PTPRD: variants seen among roughly 807,000 people sequenced by gnomAD.
PTPRD encodes the protein protein tyrosine phosphatase receptor type D, also known as receptor-type tyrosine-protein phosphatase delta.
In PTPRD, 34 loss-of-function variants were observed where a neutral mutation model predicts 214.5. The observed-to-expected ratio is 0.16, with a 90% CI of 0.12 to 0.21. The LOEUF (loss-of-function observed/expected upper bound fraction) is 0.21. Among genes scored for constraint, PTPRD ranks in the 10% least tolerant of loss-of-function variants. PTPRD has a pLI of 1.00. For missense variants in PTPRD, 2,545 were observed against 2,398.7 expected, an observed-to-expected ratio of 1.06 and a Z score of -1.27; for synonymous variants, 1,128 against 845.7, an observed-to-expected ratio of 1.33 and a Z score of -5.79.
At chr9:9,437,889 T>TA (rs1368322271) in intron 8 of PTPRD, among the ~76,000 whole-genome samples, 1 of 152,192 alleles carries the variant, frequency 6.6e-6, no homozygotes, top group Non-Finnish European at 1.5e-5. Context: ...TATAGTGCTG[T>TA]ATTAGTGGGA....
Position 8,712,159 on chromosome 9 carries a change from A to G in PTPRD, c.64+21621T>C, listed in dbSNP as rs142598141. 4.7e-4 allele frequency among the ~76,000 whole-genome samples: 71 copies of G among 152,344 alleles called. 1 individual carries two copies. The highest frequency in any genetic ancestry group is 1.7e-3 in the African/African-American group (71 of 41,574). On this transcript the variant is annotated intron_variant, in intron 12 of 45. Coordinates refer to ENST00000381196, the MANE Select transcript of PTPRD (RefSeq NM_002839.4). ...TGCAATGCAGAGTGTGACAAATGAA[A>G]TAACTGTCTTACAAATGTATCACAT...
At chr9:10,576,753 TA>T in intron 2 of PTPRD, among the ~76,000 whole-genome samples, 1 of 152,284 alleles carries the variant, frequency 6.6e-6, no homozygotes, top group East Asian at 1.9e-4. Context: ...GGGAATATTT[TA>T]ATTATTATTT....
At chr9:9,913,017 T>A (rs1400602402) in intron 5 of PTPRD, among the ~76,000 whole-genome samples, 1 of 152,194 alleles carries the variant, frequency 6.6e-6, no homozygotes, top group Admixed American at 6.5e-5. Flanking sequence ...GTAAACATTC[T>A]TATAAGTTTT....
intron 3 of PTPRD, among the ~76,000 whole-genome samples, chr9:10,082,834 CACACAA>C (rs1242213100): frequency 3.1e-4 from 29 of 94,478 alleles, no homozygotes; most frequent in Non-Finnish European, 7.1e-4. Context: ...CACACACACA[CACACAA>C]ACACACACAC....
At chr9:10,351,289 T>C (rs2097178355) in intron 2 of PTPRD, among the ~76,000 whole-genome samples, 1 of 152,120 alleles carries the variant, frequency 6.6e-6, no homozygotes, top group Non-Finnish European at 1.5e-5. Flanking sequence ...TGACTAAGTA[T>C]TGAACATGTT....
chr9:10,571,633 T>TA (rs1431101787), intron 2 of PTPRD, among the ~76,000 whole-genome samples: 1 of 152,114 alleles, frequency 6.6e-6, no homozygotes, highest in Non-Finnish European at 1.5e-5. Context: ...ACTGTGTATG[T>TA]AAAATGCCAA....
intron 11 of PTPRD, among the ~76,000 whole-genome samples, chr9:8,995,468 G>T (rs934703776): frequency 2.0e-5 from 3 of 151,930 alleles, no homozygotes; most frequent in African/African-American, 7.3e-5. Context: ...TCTTCTTATG[G>T]AGGTGTTTGA....
At chr9:8,428,673 TTG>T (rs896436624) in intron 35 of PTPRD, among the ~76,000 whole-genome samples, 2 of 151,684 alleles carry the variant, frequency 1.3e-5, no homozygotes, top group Admixed American at 1.3e-4. Flanking sequence ...CCAAAAAAAA[TTG>T]TGTGTGTGTG....
chr9:9,826,627 T>A (rs773743000), intron 5 of PTPRD, among the ~76,000 whole-genome samples: 7 of 152,038 alleles, frequency 4.6e-5, no homozygotes, highest in Non-Finnish European at 7.4e-5. Context: ...CATAGTATAC[T>A]TAGTGTCCTT....
chr9:10,091,619 T>C (rs963589501), intron 3 of PTPRD, among the ~76,000 whole-genome samples: 5 of 151,558 alleles, frequency 3.3e-5, no homozygotes, highest in African/African-American at 1.2e-4. Flanking sequence ...CAACTGCATG[T>C]CAATTAAACG....
chr9:10,341,305 C>T (rs1289508281), intron 2 of PTPRD, among the ~76,000 whole-genome samples: 1 of 151,098 alleles, frequency 6.6e-6, no homozygotes, highest in African/African-American at 2.4e-5. Context: ...ACTATAGTCA[C>T]AGAATATTAC....
At chr9:9,151,733 G>A (rs936620811) in intron 10 of PTPRD, among the ~76,000 whole-genome samples, 21 of 152,120 alleles carry the variant, frequency 1.4e-4, no homozygotes, top group African/African-American at 5.1e-4. Context: ...TCAGCAAGAT[G>A]GCACTTTGAT....
chr9:9,201,139 C>CT (rs1337205943), intron 9 of PTPRD, among the ~76,000 whole-genome samples: 1 of 152,066 alleles, frequency 6.6e-6, no homozygotes, highest in Admixed American at 6.6e-5. Context: ...TTCAGAAAAG[C>CT]TTTTTTCTTT....
At chr9:10,457,574 T>A (rs557912189) in intron 2 of PTPRD, among the ~76,000 whole-genome samples, 3 of 152,154 alleles carry the variant, frequency 2.0e-5, no homozygotes, top group South Asian at 2.1e-4. Context: ...CTGTTATAGA[T>A]AAAGCTGCCA....
intron 3 of PTPRD, among the ~76,000 whole-genome samples, chr9:10,273,411 C>A (rs934035335): frequency 6.6e-5 from 10 of 152,026 alleles, no homozygotes; most frequent in Admixed American, 6.6e-4. Flanking sequence ...GAAATAGGGT[C>A]TTTTTCAGTG....
At chr9:9,846,806 T>C (rs1323906232) in intron 5 of PTPRD, among the ~76,000 whole-genome samples, 1 of 152,038 alleles carries the variant, frequency 6.6e-6, no homozygotes, top group Non-Finnish European at 1.5e-5. Flanking sequence ...GGAAGGAGGA[T>C]TTCCTTTTGA....
At chr9:8,685,256 C>T (rs1199430296) in intron 12 of PTPRD, among the ~76,000 whole-genome samples, 1 of 126,016 alleles carries the variant, frequency 7.9e-6, no homozygotes, top group African/African-American at 3.3e-5. Context: ...ATGTAGAAAG[C>T]AGAAAAAAAA....
At position 10,451,579 on chromosome 9, in the gene PTPRD, G is replaced by A. The variant is rs367547695; in HGVS notation, c.-599-110562C>T. ...GGATGATTAAAATACTATCTACCTC[G>A]TAGTGTTGTTTCAAGGATTAAATGA... On this transcript the variant is annotated intron_variant, in intron 2 of 45. Transcript: ENST00000381196. Among the ~76,000 whole-genome samples the A allele has an allele frequency of 3.8e-4, 58 of 151,290 alleles. 1 individual carries two copies. The East Asian group carries it at 5.8e-3, about 15-fold the overall frequency.
At chr9:9,810,840 G>C (rs1280952788) in intron 5 of PTPRD, among the ~76,000 whole-genome samples, 1 of 151,648 alleles carries the variant, frequency 6.6e-6, no homozygotes, top group Non-Finnish European at 1.5e-5. Context: ...TCTTCTGATG[G>C]ATCTGGGCAA....
Sources: gnomAD v4.1 joint callset for allele counts (sites outside exome capture counted in the v4.1 genomes callset) on GRCh38, gnomAD v4.1.1 for gene constraint, MANE v1.5 for transcripts, NCBI Gene and HGNC (gene_info 2026-07-23, HGNC 2026-07-21) for gene names.